The following GIGYF2 variants were observed in gnomAD, a reference collection of about 807,000 sequenced individuals.
GIGYF2 encodes the protein GRB10 interacting GYF protein 2, also known as GRB10-interacting GYF protein 2.
A neutral mutation model predicts 208.1 loss-of-function variants in GIGYF2; 25 were observed. The observed-to-expected ratio is 0.12, with a 90% confidence interval of 0.09 to 0.17. The LOEUF (loss-of-function observed/expected upper bound fraction) is 0.17. GIGYF2 is among the 10% of genes least tolerant of loss of function. The pLI is 1.00. For missense variants in GIGYF2, 1,302 were observed against 1,579.4 expected, an observed-to-expected ratio of 0.82 and a Z score of 2.98; for synonymous variants, 534 against 543.8, an observed-to-expected ratio of 0.98 and a Z score of 0.25.
intron 1 of GIGYF2, among the ~76,000 whole-genome samples, chr2:232,702,408 C>T (rs190112355): frequency 9.2e-5 from 14 of 151,558 alleles, no homozygotes; most frequent in African/African-American, 3.1e-4. Flanking sequence ...CACTGCACTC[C>T]AGCCTGGGCA....
intron 14 of GIGYF2, among the ~76,000 whole-genome samples, chr2:232,805,573 GTGT>G (rs1700536679): frequency 1.3e-5 from 2 of 151,952 alleles, no homozygotes; most frequent in African/African-American, 4.8e-5. Context: ...GTTATATTTT[GTGT>G]GACTTTCTTG....
intron 26 of GIGYF2, among the ~76,000 whole-genome samples, 160 bp downstream of exon 26, chr2:232,846,046 G>C (rs1701993253): frequency 6.6e-6 from 1 of 152,142 alleles, no homozygotes; most frequent in Non-Finnish European, 1.5e-5. Context: ...AGTATTACTT[G>C]TGAGAAAAGT....
At chr2:232,744,456 ATATG>A (rs2106308060) in intron 3 of GIGYF2, among the ~76,000 whole-genome samples, 1 of 152,272 alleles carries the variant, frequency 6.6e-6, no homozygotes, top group South Asian at 2.1e-4. Context: ...CTAATAAAAT[ATATG>A]TATATTTTAA....
At chr2:232,783,011 TAAAG>T (rs1699772337) in intron 8 of GIGYF2, among the ~76,000 whole-genome samples, 1 of 152,220 alleles carries the variant, frequency 6.6e-6, no homozygotes, top group Admixed American at 6.5e-5. Context: ...AATGTTTTCT[TAAAG>T]AGGTGGGGAG....
intron 14 of GIGYF2, 117 bp downstream of exon 14, chr2:232,796,338 G>A (rs985006009): frequency 2.1e-5 from 16 of 755,480 alleles, no homozygotes; most frequent in Non-Finnish European, 3.1e-5. Flanking sequence ...AAGCACACAC[G>A]CGCGCACACA....
intron 2 of GIGYF2, among the ~76,000 whole-genome samples, chr2:232,711,565 G>A (rs951731990): frequency 1.3e-5 from 2 of 150,824 alleles, no homozygotes; most frequent in African/African-American, 4.9e-5. Context: ...GATAAAATTG[G>A]CATTGTTTTA....
In GIGYF2 at chr2:232,856,899, C is replaced by T. The variant is rs746069750; in HGVS notation, c.*39C>T. 4.5e-5 allele frequency: 62 copies of T among 1,382,078 alleles called. No individual in the cohort carries two copies. The highest frequency in any genetic ancestry group is 6.1e-5 in the Non-Finnish European group (59 of 967,834). 85.6% of individuals were successfully genotyped at this position (1,382,078 alleles called of 1,614,324 possible). ...GACTGGCCATCCCTCTCCTGTCTGC[C>T]GACTATGGAGTCTCCACCTTTGGAC... On this transcript the variant is annotated 3_prime_UTR_variant, in exon 29 of 29. Coordinates refer to ENST00000373563, the MANE Select transcript of GIGYF2 (RefSeq NM_001103146.3).
chr2:232,808,727 GTTATC>G (rs1056181192), intron 15 of GIGYF2, among the ~76,000 whole-genome samples: 9 of 151,838 alleles, frequency 5.9e-5, no homozygotes, highest in African/African-American at 2.2e-4. Flanking sequence ...TTTTACTTCT[GTTATC>G]TTATACTTCA....
At chr2:232,799,605 T>TTCCC (rs1700331717) in intron 14 of GIGYF2, among the ~76,000 whole-genome samples, 1 of 151,738 alleles carries the variant, frequency 6.6e-6, no homozygotes, top group Non-Finnish European at 1.5e-5. Context: ...AACATGAAGG[T>TTCCC]ACAACTATCT....
chr2:232,740,350 A>C (rs1574825672), intron 3 of GIGYF2, among the ~76,000 whole-genome samples: 1 of 152,180 alleles, frequency 6.6e-6, no homozygotes, highest in Admixed American at 6.5e-5. Context: ...ACTTTATTAT[A>C]GGGAGAATAA....
chr2:232,755,650 G>A (rs750458643), intron 5 of GIGYF2, among the ~76,000 whole-genome samples: 92 of 152,244 alleles, frequency 6.0e-4, no homozygotes, highest in Non-Finnish European at 9.0e-4. Flanking sequence ...TATTCCCTTC[G>A]TCTTCCCATT....
intron 5 of GIGYF2, among the ~76,000 whole-genome samples, chr2:232,750,961 C>G (rs867494820): frequency 6.6e-6 from 1 of 152,108 alleles, no homozygotes; most frequent in East Asian, 1.9e-4. Flanking sequence ...TCCTGCATAG[C>G]TGGGAGTACA....
intron 5 of GIGYF2, among the ~76,000 whole-genome samples, chr2:232,752,216 T>A (rs927735682): frequency 1.3e-5 from 2 of 152,176 alleles, no homozygotes; most frequent in African/African-American, 2.4e-5. Flanking sequence ...AAAAATTTGA[T>A]GTTTGTCCTT....
chr2:232,766,111 T>C (rs1028867223), intron 8 of GIGYF2: 12 of 397,412 alleles, frequency 3.0e-5, no homozygotes, highest in Non-Finnish European at 5.3e-6. Context: ...ATCCTTAACC[T>C]AGAAACTGTG....
intron 9 of GIGYF2, 118 bp downstream of exon 9, chr2:232,787,447 A>G: frequency 1.1e-6 from 1 of 879,806 alleles, no homozygotes; most frequent in South Asian, 1.5e-5. Flanking sequence ...GATTCATATT[A>G]TTTATGCTGT....
At chr2:232,719,908 G>A (rs909523188) in intron 2 of GIGYF2, among the ~76,000 whole-genome samples, 5 of 152,162 alleles carry the variant, frequency 3.3e-5, no homozygotes, top group Non-Finnish European at 5.9e-5. Context: ...TATTCTCTCA[G>A]CTGTTTTTTT....
chr2:232,841,540 C>G (rs1026827503), intron 23 of GIGYF2, among the ~76,000 whole-genome samples: 2 of 151,430 alleles, frequency 1.3e-5, no homozygotes, highest in East Asian at 3.9e-4. Context: ...GTTTCAAACT[C>G]CTGACCTCAA....
At chr2:232,847,009 G>A (rs1006731605) in intron 26 of GIGYF2, among the ~76,000 whole-genome samples, 3 of 152,170 alleles carry the variant, frequency 2.0e-5, no homozygotes, top group African/African-American at 7.2e-5. Context: ...TGTAGTGCCT[G>A]ACACATATCA....
intron 2 of GIGYF2, among the ~76,000 whole-genome samples, chr2:232,703,793 G>A (rs535093881): frequency 6.6e-5 from 10 of 152,298 alleles, no homozygotes; most frequent in Middle Eastern, 3.4e-3. Flanking sequence ...CTTCATGAGG[G>A]ACATGAACCA....
Sources: gnomAD v4.1 joint callset for allele counts (sites outside exome capture counted in the v4.1 genomes callset) on GRCh38, gnomAD v4.1.1 for gene constraint, MANE v1.5 for transcripts, NCBI Gene and HGNC (gene_info 2026-07-23, HGNC 2026-07-21) for gene names.